The following NEDD4L variants were observed in gnomAD, a reference collection of about 807,000 sequenced individuals.
NEDD4L encodes E3 ubiquitin-protein ligase NEDD4-like.
NEDD4L carries 54 observed loss-of-function variants against 148.9 expected under a neutral mutation model. The observed-to-expected ratio is 0.36, with a 90% confidence interval of 0.29 to 0.45. NEDD4L has a LOEUF of 0.45. Among genes scored for constraint, NEDD4L ranks in the 20% least tolerant of loss-of-function variants. The pLI, the probability that NEDD4L is intolerant of heterozygous loss-of-function variation, is 1.00. For missense variants in NEDD4L, 856 were observed against 1,233.8 expected (o/e 0.69, Z 4.59); for synonymous variants, 433 against 440.7 (o/e 0.98, Z 0.22).
intron 1 of NEDD4L, among the ~76,000 whole-genome samples, chr18:58,164,056 G>A (rs775507645): frequency 6.9e-6 from 1 of 145,074 alleles, no homozygotes; most frequent in African/African-American, 2.6e-5. Flanking sequence ...TTTTGAGACC[G>A]AGTCTCAAAA....
intron 1 of NEDD4L, among the ~76,000 whole-genome samples, chr18:58,116,257 C>T (rs1342113422): frequency 2.0e-5 from 3 of 152,184 alleles, no homozygotes; most frequent in Non-Finnish European, 2.9e-5. Context: ...TGTGAGTCAC[C>T]AAATCAACCA....
At chr18:58,223,976 T>A (rs1283823940) in intron 2 of NEDD4L, among the ~76,000 whole-genome samples, 1 of 152,080 alleles carries the variant, frequency 6.6e-6, no homozygotes, top group African/African-American at 2.4e-5. Context: ...CAGTGGGATG[T>A]GGGCAGGCGG....
At chr18:58,255,977 G>C in intron 5 of NEDD4L, 1 of 1,230,836 alleles carries the variant, frequency 8.1e-7, no homozygotes, top group Non-Finnish European at 1.0e-6. Flanking sequence ...GCCCGAGGGC[G>C]CCGACGATGG....
chr18:58,116,481 T>C (rs577592211), intron 1 of NEDD4L, among the ~76,000 whole-genome samples: 1 of 152,298 alleles, frequency 6.6e-6, no homozygotes, highest in East Asian at 1.9e-4. Context: ...GAATTTGCAA[T>C]TTAAAATAAC....
intron 1 of NEDD4L, among the ~76,000 whole-genome samples, chr18:58,131,607 G>T (rs901301801): frequency 1.3e-5 from 2 of 150,592 alleles, no homozygotes; most frequent in African/African-American, 4.9e-5. Flanking sequence ...CTGTGGCAGT[G>T]TTGGCCTTTG....
chr18:58,201,023 T>G (rs1294585084), intron 2 of NEDD4L, among the ~76,000 whole-genome samples: 1 of 152,186 alleles, frequency 6.6e-6, no homozygotes, highest in African/African-American at 2.4e-5. Flanking sequence ...GCTCAGTGTG[T>G]GTATGTTAAT....
intron 1 of NEDD4L, among the ~76,000 whole-genome samples, chr18:58,073,384 A>G (rs1214777621): frequency 6.6e-6 from 1 of 152,198 alleles, no homozygotes; most frequent in East Asian, 1.9e-4. Flanking sequence ...GTGTGGTACT[A>G]CTGTGTGGAC....
At chr18:58,198,288 C>T (rs1288753854) in intron 2 of NEDD4L, among the ~76,000 whole-genome samples, 1 of 152,172 alleles carries the variant, frequency 6.6e-6, no homozygotes, top group Non-Finnish European at 1.5e-5. Context: ...CGTCCTGCAG[C>T]CTATCAGATT....
intron 5 of NEDD4L, chr18:58,314,673 A>G (rs778354354): frequency 3.3e-5 from 5 of 152,232 alleles, no homozygotes; most frequent in African/African-American, 1.2e-4. Context: ...TAGTAGATAC[A>G]GCTAAGAAAG....
chr18:58,109,301 G>A (rs2085268545), intron 1 of NEDD4L, among the ~76,000 whole-genome samples: 1 of 152,210 alleles, frequency 6.6e-6, no homozygotes, highest in Non-Finnish European at 1.5e-5. Flanking sequence ...GCCCACAGAA[G>A]AGTTTCACAG....
At chr18:58,243,003 G>A (rs2046826787) in intron 2 of NEDD4L, among the ~76,000 whole-genome samples, 1 of 152,150 alleles carries the variant, frequency 6.6e-6, no homozygotes, top group South Asian at 2.1e-4. Flanking sequence ...ATTACTGCTG[G>A]AAGATATGGT....
chr18:58,114,651 G>A (rs1353357963), intron 1 of NEDD4L, among the ~76,000 whole-genome samples: 1 of 139,556 alleles, frequency 7.2e-6, no homozygotes, highest in Non-Finnish European at 1.5e-5. Context: ...CAGACAGCAC[G>A]GATTTGCTAT....
chr18:58,066,410 T>TTTTTTTG (rs2082599368), intron 1 of NEDD4L, among the ~76,000 whole-genome samples: 1 of 140,072 alleles, frequency 7.1e-6, no homozygotes. Context: ...TTTTTTTTTT[T>TTTTTTTG]AACGGAGTCT....
chr18:58,308,926 C>T (rs1463543331), intron 5 of NEDD4L, among the ~76,000 whole-genome samples: 1 of 152,248 alleles, frequency 6.6e-6, no homozygotes, highest in East Asian at 1.9e-4. Context: ...AACCCTTCTG[C>T]TGGGACACCG....
intron 2 of NEDD4L, among the ~76,000 whole-genome samples, chr18:58,188,892 A>G (rs1294817885): frequency 1.3e-5 from 2 of 152,208 alleles, no homozygotes; most frequent in East Asian, 3.8e-4. Context: ...GCAAGGTAGA[A>G]GCCAGGAGTG....
At chr18:58,160,139 A>G (rs2036015207) in intron 1 of NEDD4L, among the ~76,000 whole-genome samples, 1 of 152,248 alleles carries the variant, frequency 6.6e-6, no homozygotes, top group South Asian at 2.1e-4. Flanking sequence ...TTTTACTACA[A>G]GAACACTGTT....
At chr18:58,200,587 A>T (rs896699882) in intron 2 of NEDD4L, among the ~76,000 whole-genome samples, 2 of 152,254 alleles carry the variant, frequency 1.3e-5, no homozygotes, top group African/African-American at 4.8e-5. Context: ...GTTATGGAAC[A>T]AAGTTAAAAA....
chr18:58,153,584 T>C (rs1217360816), intron 1 of NEDD4L, among the ~76,000 whole-genome samples: 2 of 151,940 alleles, frequency 1.3e-5, no homozygotes, highest in African/African-American at 2.4e-5. Flanking sequence ...TCAGGTGATC[T>C]GCTTTGTGTC....
chr18:58,095,303 A>T (rs2084321772), intron 1 of NEDD4L, among the ~76,000 whole-genome samples: 1 of 152,174 alleles, frequency 6.6e-6, no homozygotes, highest in Admixed American at 6.5e-5. Flanking sequence ...TACTGAGGGT[A>T]TGGGTGCCAG....
Sources: gnomAD v4.1 joint callset for allele counts (sites outside exome capture counted in the v4.1 genomes callset) on GRCh38, gnomAD v4.1.1 for gene constraint, MANE v1.5 for transcripts, NCBI Gene and HGNC (gene_info 2026-07-23, HGNC 2026-07-21) for gene names.